Variants in ZNF34 observed in about 807,000 individuals in gnomAD.
The protein encoded by ZNF34 is zinc finger protein 34, also known as zinc finger protein 34 (KOX 32).
In ZNF34, 8 loss-of-function variants were observed where a neutral mutation model predicts 14.4. The ratio of observed to expected loss-of-function variants is 0.55; its 90% CI spans 0.33 to 1.00. The LOEUF is 1.00. Among genes scored for constraint, ZNF34 ranks in the 50% least tolerant of loss-of-function variants. The pLI, the probability that ZNF34 is intolerant of heterozygous loss-of-function variation, is 0.03. For synonymous variants in ZNF34, 235 were observed against 247.9 expected, an observed-to-expected ratio of 0.95 and a Z score of 0.49; for missense variants, 538 against 674.2, an observed-to-expected ratio of 0.80 and a Z score of 2.24.
In ZNF34 at chr8:144,773,725, T is replaced by C. The variant is rs772312712; in HGVS notation, c.1161A>G (p.Gln387=). The C allele has an allele frequency of 1.9e-6, 3 of 1,614,030 alleles. No homozygotes were observed. Among genetic ancestry groups the C allele is most frequent in the Admixed American group, 3.3e-5 (2 of 59,982 alleles). The change falls in exon 6 of 6, where the codon CAA becomes CAG. Residue 387 remains glutamine (Q), a synonymous_variant. Coordinates refer to ENST00000429371, the MANE Select transcript of ZNF34 (RefSeq NM_001286769.2). This position sits in a 1 kb window ranked among gnomAD's most constrained non-coding sequence, Gnocchi z 5.4. The stretch of plus-strand genomic sequence containing the variant: ...TCTCTCCAGTGTGAATTCTCTGATG[T>C]TGGATAAGGTTAGAACTTTGTGTAA... ...KGFTQSSNLI[Q]HQRIHTGEKP...
At chr8:144,778,580 C>T (rs1164833255) in intron 2 of ZNF34, 55 bp from the exon 3 acceptor site, 11 of 1,393,674 alleles carry the variant, frequency 7.9e-6, no homozygotes, top group Non-Finnish European at 1.1e-5. Context: ...TCTTCCACAG[C>T]TCAGGCTACT....
intron 1 of ZNF34, among the ~76,000 whole-genome samples, chr8:144,785,106 CAAAAA>C (rs749277788): frequency 2.0e-5 from 1 of 50,072 alleles, no homozygotes; most frequent in Non-Finnish European, 3.9e-5. Flanking sequence ...CAGACCCTGC[CAAAAA>C]AAAAAAAAAA....
chr8:144,775,905 A>G (rs1563786129), intron 5 of ZNF34, among the ~76,000 whole-genome samples: 1 of 152,236 alleles, frequency 6.6e-6, no homozygotes, highest in Non-Finnish European at 1.5e-5. Flanking sequence ...CAAAAAGGTG[A>G]CCATCAGAGC....
rs1450623230 is a variant in ZNF34 at position 144,773,637 on chromosome 8, G to C, written c.1249C>G (p.Gln417Glu). The C allele has an allele frequency of 6.2e-7, 1 of 1,614,138 alleles. No individual in the cohort carries two copies. Among genetic ancestry groups the C allele is most frequent in the Non-Finnish European group, 8.5e-7 (1 of 1,179,996 alleles). ...GGCTTCTCTCCAGTGTGGCTTCTCT[G>C]ATGTTCCACGAGTTTGGTTTTTTGA... ...FIQKTKLVEH[Q>E]RSHTGEKPYE... Residue 417 changes from glutamine (Q) to glutamate (E), a missense_variant, in exon 6 of 6, where the codon CAG becomes GAG. By Grantham distance (29) the Gln-to-Glu change is conservative (BLOSUM62 2). Coordinates refer to ENST00000429371, the MANE Select transcript of ZNF34 (RefSeq NM_001286769.2). This position sits in a 1 kb window ranked among gnomAD's most constrained non-coding sequence, Gnocchi z 5.4.
chr8:144,777,117 GGCATCA>G lies in ZNF34; in HGVS notation c.280+335_280+340del, dbSNP rs148334569. Among the ~76,000 whole-genome samples, 14,854 of 151,994 alleles carry G rather than the reference GGCATCA, an allele frequency of 0.098. 1,016 individuals are homozygous for G. Among genetic ancestry groups the G allele is most frequent in the East Asian group, 0.38 (1,933 of 5,128 alleles). Reference sequence around the variant, plus strand: ...CTCCATCATTAGGCCCTCATTATCTGGCATCAGCTCTGGAGCGCAGGGTTCTGTGGG... The same window carrying G: ...CTCCATCATTAGGCCCTCATTATCTGGCTCTGGAGCGCAGGGTTCTGTGGG... On this transcript the variant is annotated intron_variant, in intron 5 of 5. Coordinates refer to ENST00000429371, the MANE Select transcript of ZNF34 (RefSeq NM_001286769.2). This position sits in a 1 kb window ranked among gnomAD's most constrained non-coding sequence, Gnocchi z 4.8.
At position 144,773,334 on chromosome 8, in the gene ZNF34, C is replaced by T; in HGVS notation, c.1552G>A (p.Ala518Thr). 3 of 1,614,160 alleles carry T rather than the reference C, an allele frequency of 1.9e-6. No homozygotes were observed. Among genetic ancestry groups the T allele is most frequent in the Non-Finnish European group, 2.5e-6 (3 of 1,179,994 alleles). ...CACATGTTGGAACTGTGCCGGAAGG[C>T]CTTCCCACACTCGCTGCACTTGTAG... ...KPYKCSECGKAFRHSSNMCQH... is the reference protein window; with the variant it reads ...KPYKCSECGKTFRHSSNMCQH... Residue 518 changes from alanine to threonine, a missense_variant, in exon 6 of 6, where the codon GCC becomes ACC. By Grantham distance (58) the Ala-to-Thr change is moderately conservative. Coordinates refer to ENST00000429371, the MANE Select transcript of ZNF34 (RefSeq NM_001286769.2). This position sits in a 1 kb window ranked among gnomAD's most constrained non-coding sequence, Gnocchi z 5.4.
chr8:144,781,143 A>AAAT (rs941604613), intron 1 of ZNF34, among the ~76,000 whole-genome samples: 47 of 150,656 alleles, frequency 3.1e-4, no homozygotes, highest in Non-Finnish European at 4.0e-4. Context: ...TCAAATAAAT[A>AAAT]AATAAATAAA....
intron 5 of ZNF34, among the ~76,000 whole-genome samples, chr8:144,775,541 A>G (rs903985608): frequency 1.3e-5 from 2 of 152,234 alleles, no homozygotes; most frequent in African/African-American, 4.8e-5. Context: ...GCAACCAAAC[A>G]GACCACACTG....
Position 144,774,533 on chromosome 8 carries a change from G to A in ZNF34, c.353C>T (p.Ser118Phe). The A allele has an allele frequency of 6.2e-7, 1 of 1,613,942 alleles. No homozygotes were observed. Among genetic ancestry groups the A allele is most frequent in the Non-Finnish European group, 8.5e-7 (1 of 1,179,886 alleles). The change falls in exon 6 of 6, where the codon TCT (serine) becomes TTT (phenylalanine). Residue 118 changes from serine (S) to phenylalanine (F), a missense_variant. Coordinates refer to ENST00000429371, the MANE Select transcript of ZNF34 (RefSeq NM_001286769.2). ...ETFGEEDPQG[S>F]EPVEACDHIS... Reference sequence around the variant, plus strand: ...GTGGTCACAGGCTTCTACTGGCTCAGATCCCTGGGGATCTTCCTCACCAAA... The same window carrying A: ...GTGGTCACAGGCTTCTACTGGCTCAAATCCCTGGGGATCTTCCTCACCAAA...
At chr8:144,783,882 T>G (rs1352412134) in intron 1 of ZNF34, among the ~76,000 whole-genome samples, 2 of 152,208 alleles carry the variant, frequency 1.3e-5, no homozygotes, top group Non-Finnish European at 2.9e-5. Flanking sequence ...CAAGGCAGTG[T>G]GGCCAGGCGC....
intron 1 of ZNF34, among the ~76,000 whole-genome samples, chr8:144,782,612 T>A (rs1200739438): frequency 6.6e-6 from 1 of 150,640 alleles, no homozygotes; most frequent in African/African-American, 2.4e-5. Context: ...CCAGGGCAGG[T>A]GGATCTCTTG....
intron 3 of ZNF34, 49 bp from the exon 4 acceptor site, chr8:144,778,213 G>A: frequency 6.3e-7 from 1 of 1,579,674 alleles, no homozygotes; most frequent in Non-Finnish European, 8.6e-7. Context: ...AGAGTGGGCT[G>A]GTAGGGGCGG....
Position 144,779,932 on chromosome 8 carries a change from T to C in ZNF34, c.-55+296A>G, listed in dbSNP as rs1251634377. Among the ~76,000 whole-genome samples, 2 of 149,794 alleles carry C rather than the reference T, an allele frequency of 1.3e-5. No individual in the cohort carries two copies. The highest frequency in any genetic ancestry group is 4.9e-5 in the African/African-American group (2 of 40,588). ...GGCCAAGCTCGGTGGCTCACACCTG[T>C]AATCCTAGCGCTTTGGGAGGCTGAG... On this transcript the variant is annotated intron_variant, in intron 2 of 5. Coordinates refer to ENST00000429371, the MANE Select transcript of ZNF34 (RefSeq NM_001286769.2). This position sits in a 1 kb window ranked among gnomAD's most constrained non-coding sequence, Gnocchi z 4.1.
At position 144,777,798 on chromosome 8, in the gene ZNF34, C is replaced by G. The variant is rs890777689; in HGVS notation, c.161-221G>C. On this transcript the variant is annotated intron_variant, in intron 4 of 5. Coordinates refer to ENST00000429371, the MANE Select transcript of ZNF34 (RefSeq NM_001286769.2). This position sits in a 1 kb window ranked among gnomAD's most constrained non-coding sequence, Gnocchi z 4.8. ...CTAGGAGGTATGCAACTCCGCCCCC[C>G]CGGTGTCCCCCGCCCTACCAGGGAG... Among the ~76,000 whole-genome samples the G allele has an allele frequency of 2.6e-5, 4 of 152,072 alleles. No homozygotes were observed. Among genetic ancestry groups the G allele is most frequent in the African/African-American group, 7.2e-5 (3 of 41,408 alleles).
chr8:144,784,683 G>A (rs961110294), intron 1 of ZNF34, among the ~76,000 whole-genome samples: 8 of 151,944 alleles, frequency 5.3e-5, no homozygotes, highest in African/African-American at 9.7e-5. Context: ...GCTTGAACCC[G>A]GGAGGCGGAG....
At position 144,780,776 on chromosome 8, in the gene ZNF34, C is replaced by G. The variant is rs141456723; in HGVS notation, c.-107-496G>C. On this transcript the variant is annotated intron_variant, in intron 1 of 5. Transcript: ENST00000429371. ...CGCACTCCAGCCTGGGGGACAAGAGCAAGACTTCATCTCCAAAAAAAGAAA... is the reference window on the plus strand; with the variant it reads ...CGCACTCCAGCCTGGGGGACAAGAGGAAGACTTCATCTCCAAAAAAAGAAA... Among the ~76,000 whole-genome samples, 207 of 151,326 alleles carry G rather than the reference C, an allele frequency of 1.4e-3. 1 individual carries two copies. In the East Asian group the frequency reaches 0.032, roughly 23 times the overall value.
rs573019279 is a variant in ZNF34 at position 144,787,302 on chromosome 8, C to A, written c.-131G>T. The A allele has an allele frequency of 3.8e-4, 58 of 152,660 alleles. No homozygotes were observed. Among genetic ancestry groups the A allele is most frequent in the African/African-American group, 1.4e-3 (57 of 41,588 alleles). 9.5% of individuals were successfully genotyped at this position (152,660 alleles called of 1,614,324 possible). On this transcript the variant is annotated 5_prime_UTR_variant, in exon 1 of 6. Coordinates refer to ENST00000429371, the MANE Select transcript of ZNF34 (RefSeq NM_001286769.2). Reference sequence around the variant, plus strand: ...ACCTCAGCGCCGCCGAGCAGCACGGCAGCCCAACCTCGCCCGTTCGGCCCT... The same window carrying A: ...ACCTCAGCGCCGCCGAGCAGCACGGAAGCCCAACCTCGCCCGTTCGGCCCT...
At chr8:144,785,238 T>C (rs911179524) in intron 1 of ZNF34, 1 of 152,126 alleles carries the variant, frequency 6.6e-6, no homozygotes, top group Non-Finnish European at 1.5e-5. Context: ...CAGAATATAT[T>C]TAAAACATTT....
chr8:144,773,176 T>C lies in ZNF34; in HGVS notation c.*90A>G, dbSNP rs1224193602. On this transcript the variant is annotated 3_prime_UTR_variant, in exon 6 of 6. Transcript: ENST00000429371. This position sits in a 1 kb window ranked among gnomAD's most constrained non-coding sequence, Gnocchi z 5.4. ...GTCCTTTCACTCTGTGAAAACATCG[T>C]GTGGATAATACATAAAGGGCAGAGT... The C allele has an allele frequency of 7.5e-7, 1 of 1,341,894 alleles. No individual in the cohort carries two copies. Among genetic ancestry groups the C allele is most frequent in the African/African-American group, 1.5e-5 (1 of 68,110 alleles). The allele number at this position is 1,341,894 out of a possible 1,614,324, so 83.1% of individuals were successfully genotyped here. A position where few individuals can be genotyped will look rare whatever the true frequency, so the allele number is the denominator to read the frequency against.
Sources: gnomAD v4.1 joint callset for allele counts (sites outside exome capture counted in the v4.1 genomes callset) on GRCh38, gnomAD v4.1.1 for gene constraint, Gnocchi (gnomAD v3.1) non-coding constraint, MANE v1.5 for transcripts, NCBI Gene and HGNC (gene_info 2026-07-23, HGNC 2026-07-21) for gene names.